Variants in RSPH4A observed in about 807,000 individuals in gnomAD.
RSPH4A encodes radial spoke head protein 4 homolog A.
Under a neutral mutation model 71.0 loss-of-function variants are expected in RSPH4A, and 47 were observed. That is an observed-to-expected ratio of 0.66 (90% CI 0.52 to 0.84). The LOEUF is 0.84. Among genes scored for constraint, RSPH4A ranks in the 40% least tolerant of loss-of-function variants. RSPH4A has a pLI of 0.00. For missense variants in RSPH4A, 793 were observed against 855.2 expected (o/e 0.93, Z 0.91); for synonymous variants, 282 against 302.3 (o/e 0.93, Z 0.70).
chr6:116,625,057 G>A lies in RSPH4A; in HGVS notation c.921+2055G>A, dbSNP rs556636383. On this transcript the variant is annotated intron_variant, in intron 2 of 5. Transcript: ENST00000229554. ...GAGGCTAAACTTTCCAAGCCTTAAG[G>A]ATAATCAAGTGGCTTAAGGATAATC... Among the ~76,000 whole-genome samples the A allele has an allele frequency of 5.5e-4, 10 of 18,236 alleles. No individual in the cohort carries two copies. The South Asian group carries it at 0.025, about 45-fold the overall frequency. The allele number at this position is 18,236 out of a possible 152,430, so 12.0% of individuals were successfully genotyped here.
intron 1 of RSPH4A, among the ~76,000 whole-genome samples, chr6:116,621,844 T>C (rs903420831): frequency 3.9e-5 from 6 of 152,274 alleles, no homozygotes; most frequent in African/African-American, 1.4e-4. Context: ...ATTTCCACAT[T>C]GAACAGAGGA....
chr6:116,627,512 T>C (rs919550133), intron 2 of RSPH4A, 117 bp from the exon 3 acceptor site: 1 of 912,582 alleles, frequency 1.1e-6, no homozygotes, highest in African/African-American at 1.6e-5. Flanking sequence ...ATCTAAATCT[T>C]GAGAGAAATG....
At chr6:116,621,157 T>C (rs993113210) in intron 1 of RSPH4A, among the ~76,000 whole-genome samples, 2 of 152,118 alleles carry the variant, frequency 1.3e-5, no homozygotes, top group African/African-American at 4.8e-5. Context: ...CTCCCGGCCT[T>C]CTCCATGAAT....
intron 2 of RSPH4A, among the ~76,000 whole-genome samples, 168 bp downstream of exon 2, chr6:116,623,170 CT>C (rs1250746007): frequency 6.6e-6 from 1 of 151,976 alleles, no homozygotes; most frequent in Non-Finnish European, 1.5e-5. Flanking sequence ...GTGATCTTGG[CT>C]CACTGCAGCC....
intron 3 of RSPH4A, among the ~76,000 whole-genome samples, chr6:116,628,779 A>T (rs1775742701): frequency 6.6e-6 from 1 of 152,192 alleles, no homozygotes. Context: ...GCCAAGAACA[A>T]TAAGGGATTG....
At chr6:116,625,958 C>T (rs1186751006) in intron 2 of RSPH4A, among the ~76,000 whole-genome samples, 1 of 152,170 alleles carries the variant, frequency 6.6e-6, no homozygotes, top group Non-Finnish European at 1.5e-5. Flanking sequence ...CCACTTATCA[C>T]TTGAAGTGGT....
chr6:116,627,841 TGAA>T lies in RSPH4A; in HGVS notation c.1137_1139del (p.Glu381del). The stretch of plus-strand genomic sequence containing the variant: ...AAGTGGAATTTCGTGAGGGGGAAGA[TGAA>T]GAGGAAGTGGAAGAGGAAGATGTAG... On this transcript the variant is annotated inframe_deletion, in exon 3 of 6. Coordinates refer to ENST00000229554, the MANE Select transcript of RSPH4A (RefSeq NM_001010892.3). 6.2e-7 allele frequency: 1 copy of T among 1,613,802 alleles called. No homozygotes were observed. Among genetic ancestry groups the T allele is most frequent in the South Asian group, 1.1e-5 (1 of 91,064 alleles).
Position 116,632,474 on chromosome 6 carries a change from C to T in RSPH4A, c.*33C>T, listed in dbSNP as rs186319436. 7.0e-4 allele frequency: 1,105 copies of T among 1,583,568 alleles called. 5 individuals carry two copies. The African/African-American group carries it at 0.013, about 19-fold the overall frequency. On this transcript the variant is annotated 3_prime_UTR_variant, in exon 6 of 6. Transcript: ENST00000229554. ...AAAATTAGCCTGGTTTTATGTGACA[C>T]TGATACACACACACCCCTTATATGG...
intron 2 of RSPH4A, among the ~76,000 whole-genome samples, chr6:116,626,126 T>G (rs1198300141): frequency 6.6e-6 from 1 of 152,170 alleles, no homozygotes; most frequent in Non-Finnish European, 1.5e-5. Context: ...GAGTGAGTGG[T>G]ACAGCAAATG....
In RSPH4A at chr6:116,630,845, G is replaced by GTTTTTTT. The variant is rs1285123787; in HGVS notation, c.1916+294_1916+295insTTTTTTT. Among the ~76,000 whole-genome samples the GTTTTTTT allele has an allele frequency of 1.5e-3, 104 of 67,660 alleles. 6 individuals carry two copies. The highest frequency in any genetic ancestry group is 1.9e-3 in the Non-Finnish European group (73 of 37,560). The allele number at this position is 67,660 out of a possible 152,430, so 44.4% of individuals were successfully genotyped here. On this transcript the variant is annotated intron_variant, in intron 5 of 5. Coordinates refer to ENST00000229554, the MANE Select transcript of RSPH4A (RefSeq NM_001010892.3). ...GCACCACTATGCCCAGCTAATTTTT[G>GTTTTTTT]TATTTTTTTTTTTTTTTTTTTTTTT...
chr6:116,628,856 TGTGTGTGTTGGG>T (rs1023264075), intron 3 of RSPH4A, among the ~76,000 whole-genome samples: 16 of 152,170 alleles, frequency 1.1e-4, no homozygotes, highest in African/African-American at 3.6e-4. Flanking sequence ...GTGCCAGGTG[TGTGTGTGTTGGG>T]GTGTGTGTTT....
intron 2 of RSPH4A, among the ~76,000 whole-genome samples, chr6:116,627,203 CT>C (rs565979185): frequency 1.2e-3 from 175 of 152,144 alleles, no homozygotes; most frequent in African/African-American, 4.1e-3. Flanking sequence ...TGACCTAAAT[CT>C]TTTTGTTTGT....
At chr6:116,631,688 C>G (rs1775806601) in intron 5 of RSPH4A, among the ~76,000 whole-genome samples, 1 of 152,080 alleles carries the variant, frequency 6.6e-6, no homozygotes, top group Admixed American at 6.6e-5. Context: ...GCCAAAGGGG[C>G]CAGCGTCCTT....
intron 3 of RSPH4A, 61 bp from the exon 4 acceptor site, chr6:116,629,506 G>T: frequency 6.5e-7 from 1 of 1,534,002 alleles, no homozygotes; most frequent in Non-Finnish European, 9.0e-7. Context: ...CAATTCAAAT[G>T]AATAATCTGA....
chr6:116,622,832 A>G lies in RSPH4A; in HGVS notation c.751A>G (p.Ile251Val). The G allele has an allele frequency of 1.2e-6, 2 of 1,613,648 alleles. No individual in the cohort carries two copies. Among genetic ancestry groups the G allele is most frequent in the Non-Finnish European group, 1.7e-6 (2 of 1,179,630 alleles). ...LNERPENAVD[I>V]FENISQDVKM... ...TGAGCGTCCTGAAAATGCTGTTGAC[A>G]TCTTTGAAAATATTAGCCAAGATGT... is the stretch of plus-strand genomic sequence containing the variant. The change falls in exon 2 of 6, where the codon ATC (isoleucine) becomes GTC (valine). Residue 251 changes from isoleucine (I) to valine (V), a missense_variant. Coordinates refer to ENST00000229554, the MANE Select transcript of RSPH4A (RefSeq NM_001010892.3).
chr6:116,630,317 A>G (rs1775772437), intron 4 of RSPH4A, 118 bp from the exon 5 acceptor site: 4 of 756,174 alleles, frequency 5.3e-6, no homozygotes, highest in Non-Finnish European at 9.8e-6. Context: ...TGTATCAAGT[A>G]TGTGTGTATC....
At chr6:116,630,847 ATTTTT>A (rs10694358) in intron 5 of RSPH4A, among the ~76,000 whole-genome samples, 2 of 87,614 alleles carry the variant, frequency 2.3e-5, no homozygotes, top group African/African-American at 4.7e-5. Flanking sequence ...TAATTTTTGT[ATTTTT>A]TTTTTTTTTT....
Position 116,631,730 on chromosome 6 carries a change from T to C in RSPH4A, c.1917-477T>C, listed in dbSNP as rs905520082. 4.6e-5 allele frequency among the ~76,000 whole-genome samples: 7 copies of C among 152,176 alleles called. No individual in the cohort carries two copies. The East Asian group carries it at 9.6e-4, about 21-fold the overall frequency. ...AACTTCCCGTAAAGACAGCAGTGCA[T>C]TGTACTCCAAGTCTGATGTGCCAGG... On this transcript the variant is annotated intron_variant, in intron 5 of 5. Coordinates refer to ENST00000229554, the MANE Select transcript of RSPH4A (RefSeq NM_001010892.3).
At chr6:116,630,125 T>A (rs933422451) in intron 4 of RSPH4A, among the ~76,000 whole-genome samples, 1 of 152,248 alleles carries the variant, frequency 6.6e-6, no homozygotes, top group Non-Finnish European at 1.5e-5. Flanking sequence ...TTATTCATAT[T>A]AATGATGTAC....
Sources: gnomAD v4.1 joint callset for allele counts (sites outside exome capture counted in the v4.1 genomes callset) on GRCh38, gnomAD v4.1.1 for gene constraint, MANE v1.5 for transcripts, NCBI Gene and HGNC (gene_info 2026-07-23, HGNC 2026-07-21) for gene names.